VOPP1: variants seen among roughly 807,000 people sequenced by gnomAD.
VOPP1 encodes the protein VOPP1 WW domain binding protein.
In VOPP1, 8 loss-of-function variants were observed where a neutral mutation model predicts 23.5. That is an observed-to-expected ratio of 0.34 (90% CI 0.20 to 0.61). The LOEUF (loss-of-function observed/expected upper bound fraction) is 0.61. Among genes scored for constraint, VOPP1 ranks in the 20% least tolerant of loss-of-function variants. The pLI, the probability that VOPP1 is intolerant of heterozygous loss-of-function variation, is 0.78. For synonymous variants in VOPP1, 83 were observed against 97.3 expected (o/e 0.85, Z 0.86); for missense variants, 174 against 238.1 (o/e 0.73, Z 1.77).
In VOPP1 at chr7:55,492,466, G is replaced by A. The variant is rs562432657; in HGVS notation, c.192-48C>T. On this transcript the variant is annotated intron_variant, in intron 3 of 4. Transcript: ENST00000285279. Reference sequence around the variant, plus strand: ...GGTGGTGCTCCCAGGTGGGGGCCCTGAGGGCTTGGCCCTACAGCTCAAAGG... The same window carrying A: ...GGTGGTGCTCCCAGGTGGGGGCCCTAAGGGCTTGGCCCTACAGCTCAAAGG... The A allele has an allele frequency of 6.3e-5, 99 of 1,561,598 alleles. 1 individual carries two copies. The South Asian group carries it at 1.2e-3, about 18-fold the overall frequency.
intron 2 of VOPP1, among the ~76,000 whole-genome samples, chr7:55,509,037 T>C (rs1223250251): frequency 3.3e-5 from 5 of 152,214 alleles, no homozygotes; most frequent in Non-Finnish European, 7.3e-5. Flanking sequence ...AGCAAGACCC[T>C]GTCTCAAATT....
intron 1 of VOPP1, chr7:55,538,486 C>T: frequency 1.3e-6 from 1 of 767,718 alleles, no homozygotes; most frequent in Non-Finnish European, 2.0e-6. Flanking sequence ...TCCTGCCAGG[C>T]TACACAAACC....
At chr7:55,485,850 G>A (rs973181261) in intron 4 of VOPP1, among the ~76,000 whole-genome samples, 2 of 152,240 alleles carry the variant, frequency 1.3e-5, no homozygotes, top group East Asian at 1.9e-4. Flanking sequence ...CCTCGGAAGG[G>A]CCGGACGCAG....
At chr7:55,458,646 C>A (rs1187656969) in intron 4 of VOPP1, among the ~76,000 whole-genome samples, 2 of 151,974 alleles carry the variant, frequency 1.3e-5, no homozygotes, top group African/African-American at 4.8e-5. Flanking sequence ...GGTATTTTAT[C>A]TTTTAATTAT....
At chr7:55,450,798 T>C (rs1005389217) in intron 4 of VOPP1, among the ~76,000 whole-genome samples, 1 of 152,246 alleles carries the variant, frequency 6.6e-6, no homozygotes, top group African/African-American at 2.4e-5. Context: ...CAGGCAGTTT[T>C]CACAGGTACA....
chr7:55,524,414 TG>T (rs1796046431), intron 1 of VOPP1, among the ~76,000 whole-genome samples: 1 of 152,192 alleles, frequency 6.6e-6, no homozygotes, highest in Non-Finnish European at 1.5e-5. Context: ...CTGAAATTAG[TG>T]TGTTTGAAAT....
intron 4 of VOPP1, among the ~76,000 whole-genome samples, chr7:55,485,018 A>G (rs557728564): frequency 1.3e-5 from 2 of 152,308 alleles, no homozygotes; most frequent in South Asian, 4.1e-4. Flanking sequence ...CAGAAACATA[A>G]TTACTGGAAA....
intron 4 of VOPP1, among the ~76,000 whole-genome samples, chr7:55,481,146 G>A (rs1012080817): frequency 4.6e-5 from 7 of 152,218 alleles, no homozygotes; most frequent in African/African-American, 1.7e-4. Context: ...CGTGTCCATG[G>A]AGAAAGAGAC....
intron 1 of VOPP1, chr7:55,537,610 C>A: frequency 6.5e-7 from 1 of 1,534,988 alleles, no homozygotes; most frequent in South Asian, 1.2e-5. Context: ...TCACACGCAG[C>A]CCTCCAATAC....
At chr7:55,533,706 A>C (rs1796619457) in intron 1 of VOPP1, among the ~76,000 whole-genome samples, 1 of 152,210 alleles carries the variant, frequency 6.6e-6, no homozygotes, top group Non-Finnish European at 1.5e-5. Context: ...GAGACTAGCA[A>C]GGGAGGCTGA....
At chr7:55,457,096 C>T (rs991030997) in intron 4 of VOPP1, among the ~76,000 whole-genome samples, 1 of 152,192 alleles carries the variant, frequency 6.6e-6, no homozygotes, top group Non-Finnish European at 1.5e-5. Flanking sequence ...GCCCCAACCC[C>T]TGCAACTTCC....
intron 1 of VOPP1, among the ~76,000 whole-genome samples, chr7:55,531,435 T>C (rs1225706787): frequency 2.0e-5 from 3 of 151,364 alleles, no homozygotes; most frequent in Non-Finnish European, 4.4e-5. Context: ...CTGCAACCTC[T>C]GCCTCCTGGG....
At chr7:55,446,544 A>T (rs184488287) in intron 4 of VOPP1, among the ~76,000 whole-genome samples, 1 of 152,278 alleles carries the variant, frequency 6.6e-6, no homozygotes, top group African/African-American at 2.4e-5. Flanking sequence ...CTGCAAGGGA[A>T]CTTTGGTATT....
intron 4 of VOPP1, among the ~76,000 whole-genome samples, chr7:55,451,847 TG>T (rs1194634399): frequency 6.6e-6 from 1 of 152,142 alleles, no homozygotes; most frequent in Non-Finnish European, 1.5e-5. Context: ...GGGCTTTCAG[TG>T]GGTCATAATC....
chr7:55,559,238 A>C (rs1210266081), intron 1 of VOPP1, among the ~76,000 whole-genome samples: 1 of 152,172 alleles, frequency 6.6e-6, no homozygotes, highest in Non-Finnish European at 1.5e-5. Flanking sequence ...AATCATCACT[A>C]AATAAATCCA....
intron 4 of VOPP1, among the ~76,000 whole-genome samples, chr7:55,449,923 G>A (rs930292295): frequency 6.6e-5 from 10 of 152,202 alleles, no homozygotes; most frequent in African/African-American, 1.2e-4. Context: ...TCACCCTTGA[G>A]GGGAGAAACA....
chr7:55,516,084 A>T, intron 2 of VOPP1: 1 of 867,000 alleles, frequency 1.2e-6, no homozygotes, highest in Non-Finnish European at 1.4e-6. Flanking sequence ...TGCTGAGGCC[A>T]CACAGCCACT....
chr7:55,562,451 C>G (rs1798020334), intron 1 of VOPP1, among the ~76,000 whole-genome samples: 1 of 152,228 alleles, frequency 6.6e-6, no homozygotes, highest in Admixed American at 6.5e-5. Flanking sequence ...GGTAGTGACA[C>G]TGTTAAAGAG....
intron 4 of VOPP1, among the ~76,000 whole-genome samples, chr7:55,448,274 AAC>A (rs1791150552): frequency 6.6e-6 from 1 of 152,180 alleles, no homozygotes; most frequent in Non-Finnish European, 1.5e-5. Flanking sequence ...CAAGCAAGAA[AAC>A]AGATTGGAGA....
Sources: allele counts gnomAD v4.1 joint callset (sites outside exome capture counted in the v4.1 genomes callset), GRCh38; gene constraint gnomAD v4.1.1; transcripts MANE v1.5; gene names NCBI Gene and HGNC (gene_info 2026-07-23, HGNC 2026-07-21).